The following ADARB1 variants were observed in gnomAD, a reference collection of about 807,000 sequenced individuals.
ADARB1 encodes the protein adenosine deaminase RNA specific B1.
Under a neutral mutation model 52.4 loss-of-function variants are expected in ADARB1, and 10 were observed. The observed-to-expected ratio is 0.19, with a 90% CI of 0.12 to 0.32. The LOEUF is 0.32. Ranked by LOEUF, ADARB1 falls within the 10% of genes least tolerant of loss-of-function variation. ADARB1 has a pLI of 1.00. For synonymous variants in ADARB1, 349 were observed against 371.1 expected (o/e 0.94, Z 0.68); for missense variants, 643 against 922.3 (o/e 0.70, Z 3.92).
chr21:45,194,493 C>T (rs1464801862), intron 8 of ADARB1, among the ~76,000 whole-genome samples: 3 of 145,236 alleles, frequency 2.1e-5, no homozygotes, highest in Non-Finnish European at 4.5e-5. Flanking sequence ...ACCTCTTAAC[C>T]TCTGTATTCT....
chr21:45,147,625 C>T (rs1224751404), intron 2 of ADARB1, among the ~76,000 whole-genome samples: 2 of 152,184 alleles, frequency 1.3e-5, no homozygotes, highest in East Asian at 3.9e-4. Context: ...CAGGCCAGGC[C>T]CCCGGGGGTG....
intron 1 of ADARB1, among the ~76,000 whole-genome samples, chr21:45,098,109 C>T (rs1026710537): frequency 6.6e-6 from 1 of 152,190 alleles, no homozygotes; most frequent in Non-Finnish European, 1.5e-5. Context: ...GCGTTCGCTT[C>T]CCACCCGGGT....
At chr21:45,129,959 G>A (rs571456052) in intron 2 of ADARB1, among the ~76,000 whole-genome samples, 20 of 152,270 alleles carry the variant, frequency 1.3e-4, no homozygotes, top group East Asian at 7.7e-4. Context: ...CTTTTTTTGG[G>A]GGGGTACACA....
intron 8 of ADARB1, among the ~76,000 whole-genome samples, chr21:45,203,713 GC>G (rs1321117199): frequency 6.6e-6 from 1 of 152,206 alleles, no homozygotes; most frequent in Admixed American, 6.5e-5. Flanking sequence ...ACCTGCCTGT[GC>G]ATTCAGTGCC....
In ADARB1 at chr21:45,208,690, ATGTG is replaced by A. The variant is rs546182659; in HGVS notation, c.1747+3961_1747+3964del. ...TGCGTGTGTGTATGAGTGTGTGTGC[ATGTG>A]TGTGTGCACGCTCACATGAGTGTAT... On this transcript the variant is annotated intron_variant, in intron 9 of 10. Transcript: ENST00000348831. This position sits in a 1 kb window ranked among gnomAD's most constrained non-coding sequence, Gnocchi z 5.6. Among the ~76,000 whole-genome samples the A allele has an allele frequency of 2.1e-3, 319 of 151,642 alleles. 2 individuals are homozygous for A. Among genetic ancestry groups the A allele is most frequent in the African/African-American group, 6.9e-3 (285 of 41,358 alleles).
chr21:45,184,783 T>G, intron 7 of ADARB1, 140 bp from the exon 8 acceptor site: 1 of 980,930 alleles, frequency 1.0e-6, no homozygotes, highest in Non-Finnish European at 1.5e-6. Context: ...TGTATGTGTA[T>G]TTTGTATGTA....
chr21:45,084,421 C>A (rs924043760), intron 1 of ADARB1, among the ~76,000 whole-genome samples: 1 of 152,122 alleles, frequency 6.6e-6, no homozygotes, highest in Non-Finnish European at 1.5e-5. Context: ...AGGGCCTAGG[C>A]CTTAGGGGTT....
intron 1 of ADARB1, among the ~76,000 whole-genome samples, chr21:45,103,967 TTTG>T (rs2087136520): frequency 6.6e-6 from 1 of 152,222 alleles, no homozygotes; most frequent in African/African-American, 2.4e-5. Context: ...CAGTATATCC[TTTG>T]GTTTTGAAAA....
chr21:45,117,555 A>C (rs1347585370), intron 1 of ADARB1, among the ~76,000 whole-genome samples: 2 of 151,216 alleles, frequency 1.3e-5, no homozygotes, highest in African/African-American at 4.9e-5. Flanking sequence ...GTGACACTTT[A>C]TCTTTGTTCT....
chr21:45,199,087 G>A (rs894178059), intron 8 of ADARB1, among the ~76,000 whole-genome samples: 3 of 152,136 alleles, frequency 2.0e-5, no homozygotes, highest in African/African-American at 4.8e-5. Flanking sequence ...AGGCCTGCCT[G>A]TGTTTAAAAG....
intron 4 of ADARB1, 46 bp from the exon 5 acceptor site, chr21:45,180,284 C>A: frequency 7.1e-7 from 1 of 1,408,248 alleles, no homozygotes; most frequent in South Asian, 1.2e-5. Context: ...GAGCCCTGCT[C>A]CCAGCTGCAT....
At chr21:45,209,234 G>A (rs2092721750) in intron 9 of ADARB1, among the ~76,000 whole-genome samples, 2 of 151,340 alleles carry the variant, frequency 1.3e-5, no homozygotes, top group Admixed American at 6.6e-5. Context: ...TCATTTTATC[G>A]TGCTTTTTTT....
At chr21:45,161,719 A>G (rs386762) in intron 2 of ADARB1, among the ~76,000 whole-genome samples, 97,094 of 152,082 alleles carry the variant, frequency 0.64, 31,301 homozygotes, top group African/African-American at 0.74. Context: ...CTTACAGAGG[A>G]CTTAAGGCCT....
At chr21:45,219,714 C>T (rs374416606) in intron 9 of ADARB1, among the ~76,000 whole-genome samples, 5 of 152,154 alleles carry the variant, frequency 3.3e-5, no homozygotes, top group African/African-American at 9.7e-5. Flanking sequence ...GATTTCCTCT[C>T]GAAACCCTCA....
chr21:45,144,331 T>G (rs1196297555), intron 2 of ADARB1, among the ~76,000 whole-genome samples: 3 of 152,168 alleles, frequency 2.0e-5, no homozygotes. Flanking sequence ...TAGATAAAAA[T>G]AAAATTAATT....
intron 8 of ADARB1, among the ~76,000 whole-genome samples, chr21:45,202,384 G>C (rs1050744009): frequency 2.6e-5 from 4 of 152,164 alleles, no homozygotes; most frequent in African/African-American, 9.7e-5. Context: ...AGAATGAGGC[G>C]TAAACAGGTG....
chr21:45,121,715 G>T (rs115450725), intron 1 of ADARB1, among the ~76,000 whole-genome samples: 2 of 152,092 alleles, frequency 1.3e-5, no homozygotes, highest in South Asian at 4.1e-4. Context: ...AGCTTTTAGC[G>T]TTAGTCATTA....
At position 45,220,695 on chromosome 21, in the gene ADARB1, C is replaced by G. The variant is rs1569187505; in HGVS notation, c.1748-141C>G. 1 of 847,624 alleles carries G rather than the reference C, an allele frequency of 1.2e-6. No individual in the cohort carries two copies. Among genetic ancestry groups the G allele is most frequent in the Non-Finnish European group, 1.8e-6 (1 of 542,538 alleles). The allele number at this position is 847,624 out of a possible 1,614,324, so 52.5% of individuals were successfully genotyped here. On this transcript the variant is annotated intron_variant, in intron 9 of 10. Transcript: ENST00000348831. The surrounding 1 kb of genome is among the most constrained non-coding windows in gnomAD (Gnocchi z 6.3). ...TGCCACGGCAGATGCACGCTCAAGT[C>G]TGCGTATATTCCTCGGCAGGCAGAA...
At chr21:45,129,608 A>G in intron 2 of ADARB1, among the ~76,000 whole-genome samples, 1 of 152,242 alleles carries the variant, frequency 6.6e-6, no homozygotes, top group East Asian at 1.9e-4. Flanking sequence ...TGAGCCGCTC[A>G]CTGGACACAG....
Sources: allele counts gnomAD v4.1 joint callset (sites outside exome capture counted in the v4.1 genomes callset), GRCh38; gene constraint gnomAD v4.1.1; non-coding constraint Gnocchi (gnomAD v3.1); transcripts MANE v1.5; gene names NCBI Gene and HGNC (gene_info 2026-07-23, HGNC 2026-07-21).